Variants in EXOC6 observed in about 807,000 individuals in gnomAD.
EXOC6 encodes the protein SEC15-like 1.
A neutral mutation model predicts 112.5 loss-of-function variants in EXOC6; 60 were observed. That is an observed-to-expected ratio of 0.53 (90% CI 0.43 to 0.66). EXOC6 has a LOEUF of 0.66. Among genes scored for constraint, EXOC6 ranks in the 30% least tolerant of loss-of-function variants. The probability of loss-of-function intolerance (pLI) is 0.00; values close to 1 mark genes in which losing one functional copy is unlikely to be tolerated. For missense variants in EXOC6, 855 were observed against 957.1 expected (o/e 0.89, Z 1.41); for synonymous variants, 295 against 308.0 (o/e 0.96, Z 0.44).
intron 12 of EXOC6, among the ~76,000 whole-genome samples, chr10:92,936,254 A>G (rs1210991531): frequency 2.0e-5 from 3 of 152,242 alleles, no homozygotes; most frequent in Admixed American, 2.0e-4. Flanking sequence ...ATAGACCCAG[A>G]GTTTCTGTTC....
At chr10:92,848,487 C>A, upstream of EXOC6, 2 of 1,260,304 alleles carry the variant, frequency 1.6e-6, no homozygotes, top group Non-Finnish European at 2.1e-6. Flanking sequence ...TCGCCCCCGT[C>A]GTTCCCGCGG....
intron 1 of EXOC6, among the ~76,000 whole-genome samples, chr10:92,827,474 C>CAAA (rs60863083): frequency 0.015 from 496 of 33,142 alleles, 127 homozygotes; most frequent in African/African-American, 0.018. Context: ...GCCCTGTTGC[C>CAAA]AAAAAAAAAA....
rs1846650412 is a variant in EXOC6 at position 93,058,542 on chromosome 10, TTTA to T, written c.*189_*191del. 7.1e-6 allele frequency: 3 copies of T among 421,280 alleles called. No individual in the cohort carries two copies. Among genetic ancestry groups the T allele is most frequent in the Non-Finnish European group, 1.2e-5 (3 of 250,888 alleles). The allele number at this position is 421,280 out of a possible 1,614,324, so 26.1% of individuals were successfully genotyped here. A position where few individuals can be genotyped will look rare whatever the true frequency, so the allele number is the denominator to read the frequency against. ...GGATTTTTAAATAATCGAATACTAT[TTTA>T]TATATGGAAAAAAATGACCATTTTT... On this transcript the variant is annotated 3_prime_UTR_variant, in exon 22 of 22. Transcript: ENST00000260762.
chr10:92,842,825 A>T (rs891650943), intron 1 of EXOC6, among the ~76,000 whole-genome samples: 6 of 152,092 alleles, frequency 3.9e-5, no homozygotes, highest in South Asian at 4.1e-4. Flanking sequence ...GGCTTTCAGG[A>T]CATTTTTCTG....
At chr10:92,963,661 A>T (rs28631480) in intron 17 of EXOC6, among the ~76,000 whole-genome samples, 3,405 of 150,118 alleles carry the variant, frequency 0.023, 129 homozygotes, top group African/African-American at 0.08. Flanking sequence ...CCGATTTTTT[A>T]AAATTTATTT....
chr10:92,866,249 A>C (rs1310095568), intron 1 of EXOC6, among the ~76,000 whole-genome samples: 2 of 152,178 alleles, frequency 1.3e-5, no homozygotes, highest in Non-Finnish European at 2.9e-5. Context: ...ACTGGGATTA[A>C]ACATTGAGAA....
At chr10:92,867,738 C>A (rs549452883) in intron 1 of EXOC6, among the ~76,000 whole-genome samples, 12 of 152,176 alleles carry the variant, frequency 7.9e-5, no homozygotes, top group East Asian at 1.9e-4. Flanking sequence ...TGGCAAAAAA[C>A]AATATAGGAT....
chr10:92,874,401 C>T (rs1338481749), intron 1 of EXOC6, among the ~76,000 whole-genome samples: 1 of 148,548 alleles, frequency 6.7e-6, no homozygotes, highest in Admixed American at 6.7e-5. Flanking sequence ...TGTGGTAGGG[C>T]TTCCCATTCT....
intron 17 of EXOC6, among the ~76,000 whole-genome samples, chr10:92,962,041 C>A (rs1854032919): frequency 6.6e-6 from 1 of 152,192 alleles, no homozygotes; most frequent in African/African-American, 2.4e-5. Context: ...TGACCTGTGA[C>A]AATCTCAGAT....
intron 19 of EXOC6, among the ~76,000 whole-genome samples, chr10:93,006,220 T>C (rs118183497): frequency 0.02 from 3,028 of 151,900 alleles, 50 homozygotes; most frequent in Non-Finnish European, 0.033. Context: ...ATGCTGTTTA[T>C]AGAGTTTTAG....
intron 5 of EXOC6, 84 bp from the exon 6 acceptor site, chr10:92,909,343 G>A (rs878889191): frequency 1.0e-6 from 1 of 957,656 alleles, no homozygotes; most frequent in Non-Finnish European, 1.6e-6. Context: ...TGAATAATCA[G>A]TGTAAAACTG....
At chr10:92,968,073 A>G (rs1589935242) in intron 17 of EXOC6, among the ~76,000 whole-genome samples, 2 of 152,258 alleles carry the variant, frequency 1.3e-5, no homozygotes, top group South Asian at 2.1e-4. Flanking sequence ...AGCATTTACC[A>G]TCTTAGGTAC....
At chr10:92,917,374 A>T in intron 7 of EXOC6, among the ~76,000 whole-genome samples, 1 of 151,894 alleles carries the variant, frequency 6.6e-6, no homozygotes, top group Non-Finnish European at 1.5e-5. Context: ...TATTTAAAAA[A>T]TTGGTGCTGA....
intron 7 of EXOC6, among the ~76,000 whole-genome samples, chr10:92,918,417 T>A (rs910829735): frequency 2.8e-4 from 14 of 50,892 alleles, no homozygotes; most frequent in African/African-American, 8.9e-4. Context: ...TGTGCATTTC[T>A]TTTTTTTTTT....
intron 18 of EXOC6, among the ~76,000 whole-genome samples, chr10:92,986,448 C>T (rs1365916111): frequency 6.6e-6 from 1 of 152,014 alleles, no homozygotes; most frequent in East Asian, 1.9e-4. Context: ...CCACTGCCTA[C>T]TAGGGTTAAT....
Position 93,028,663 on chromosome 10 carries a change from T to C in EXOC6, c.2169+14396T>C, listed in dbSNP as rs929817516. Among the ~76,000 whole-genome samples, 6 of 152,142 alleles carry C rather than the reference T, an allele frequency of 3.9e-5. No individual in the cohort carries two copies. The South Asian group carries it at 1.2e-3, about 32-fold the overall frequency. ...CAGCCTGACCAACATGGAGAAACCC[T>C]GTCTCTACTAAAAATACAGAATTAG... On this transcript the variant is annotated intron_variant, in intron 20 of 21. Coordinates refer to ENST00000260762, the MANE Select transcript of EXOC6 (RefSeq NM_019053.6).
At chr10:93,050,773 A>AAAAAAAAAAAAAAAAAAAAAC (rs1846249241) in intron 20 of EXOC6, among the ~76,000 whole-genome samples, 1 of 146,512 alleles carries the variant, frequency 6.8e-6, no homozygotes, top group Admixed American at 6.9e-5. Flanking sequence ...AAAAAAAAAA[A>AAAAAAAAAAAAAAAAAAAAAC]AAAAAAAAGA....
At chr10:93,045,829 A>G (rs545370918) in intron 20 of EXOC6, among the ~76,000 whole-genome samples, 1 of 152,368 alleles carries the variant, frequency 6.6e-6, no homozygotes, top group South Asian at 2.1e-4. Context: ...TGACCTGGGA[A>G]TGTTTATTTA....
intron 18 of EXOC6, among the ~76,000 whole-genome samples, chr10:92,974,853 C>G (rs1205421841): frequency 5.3e-5 from 8 of 152,342 alleles, no homozygotes; most frequent in South Asian, 4.1e-4. Context: ...CAGATGGAGT[C>G]TGGTTCACTC....
Sources: gnomAD v4.1 joint callset for allele counts (sites outside exome capture counted in the v4.1 genomes callset) on GRCh38, gnomAD v4.1.1 for gene constraint, MANE v1.5 for transcripts, NCBI Gene and HGNC (gene_info 2026-07-23, HGNC 2026-07-21) for gene names.